Variants in GALNT17 observed in about 807,000 individuals in gnomAD.
GALNT17 encodes UDP-GalNAc:polypeptide N-acetylgalactosaminyltransferase-like 3.
A neutral mutation model predicts 63.7 loss-of-function variants in GALNT17; 29 were observed. The observed-to-expected ratio is 0.46, with a 90% CI of 0.34 to 0.62. The LOEUF is 0.62. GALNT17 is among the 20% of genes least tolerant of loss of function. The pLI is 0.01. For missense variants in GALNT17, 603 were observed against 799.6 expected, an observed-to-expected ratio of 0.75 and a Z score of 2.97; for synonymous variants, 305 against 318.3, an observed-to-expected ratio of 0.96 and a Z score of 0.45.
At chr7:71,539,867 A>G (rs1788859869) in intron 5 of GALNT17, among the ~76,000 whole-genome samples, 1 of 151,296 alleles carries the variant, frequency 6.6e-6, no homozygotes, top group African/African-American at 2.4e-5. Flanking sequence ...TGGTAGCACA[A>G]GTAGGTACTC....
At chr7:71,694,185 T>C in intron 9 of GALNT17, among the ~76,000 whole-genome samples, 1 of 151,958 alleles carries the variant, frequency 6.6e-6, no homozygotes, top group Admixed American at 6.6e-5. Flanking sequence ...ATTCACTATC[T>C]CAAGAATAGC....
At chr7:71,377,471 T>C (rs1792765265) in intron 2 of GALNT17, among the ~76,000 whole-genome samples, 1 of 152,052 alleles carries the variant, frequency 6.6e-6, no homozygotes, top group Admixed American at 6.6e-5. Flanking sequence ...GTGACCATGG[T>C]GTTGGGGGAG....
intron 1 of GALNT17, among the ~76,000 whole-genome samples, chr7:71,314,257 G>C (rs1475606785): frequency 6.6e-6 from 1 of 150,600 alleles, no homozygotes; most frequent in Non-Finnish European, 1.5e-5. Flanking sequence ...GTGTGTGTCT[G>C]TGTGTGTGTG....
In GALNT17 at chr7:71,634,975, G is replaced by C. The variant is rs1011342675; in HGVS notation, c.1081-30436G>C. Among the ~76,000 whole-genome samples the C allele has an allele frequency of 2.0e-5, 3 of 151,930 alleles. No homozygotes were observed. In the South Asian group the frequency reaches 6.2e-4, roughly 32 times the overall value. On this transcript the variant is annotated intron_variant, in intron 6 of 10. Coordinates refer to ENST00000333538, the MANE Select transcript of GALNT17 (RefSeq NM_022479.3). ...TGTAATCCCAGCACTTTGGGAGGCT[G>C]AGGCGGGTGGATCATGAGGTCAGGA...
chr7:71,596,389 G>A (rs1789887665), intron 6 of GALNT17, among the ~76,000 whole-genome samples: 1 of 152,070 alleles, frequency 6.6e-6, no homozygotes, highest in Non-Finnish European at 1.5e-5. Flanking sequence ...AGCCCAGTGG[G>A]AAAGATCCAT....
intron 5 of GALNT17, among the ~76,000 whole-genome samples, chr7:71,435,460 G>A (rs1288828510): frequency 6.6e-6 from 1 of 152,102 alleles, no homozygotes; most frequent in African/African-American, 2.4e-5. Context: ...TATGGTTTAG[G>A]AGTCATGCAG....
At chr7:71,431,580 T>A (rs147435973) in intron 5 of GALNT17, among the ~76,000 whole-genome samples, 9 of 152,248 alleles carry the variant, frequency 5.9e-5, no homozygotes, top group Non-Finnish European at 8.8e-5. Flanking sequence ...TTACCCAACG[T>A]CACACACCTG....
intron 1 of GALNT17, among the ~76,000 whole-genome samples, chr7:71,178,297 G>A (rs1258103230): frequency 5.3e-5 from 8 of 152,024 alleles, no homozygotes; most frequent in African/African-American, 1.9e-4. Flanking sequence ...TTGTTCCCCT[G>A]CATGTGATTT....
At chr7:71,306,308 G>A (rs1003983032) in intron 1 of GALNT17, among the ~76,000 whole-genome samples, 1 of 152,056 alleles carries the variant, frequency 6.6e-6, no homozygotes, top group African/African-American at 2.4e-5. Context: ...TATATCAGTA[G>A]CGTTAAGTAT....
intron 5 of GALNT17, among the ~76,000 whole-genome samples, chr7:71,442,631 C>T (rs1017685149): frequency 2.0e-5 from 3 of 152,154 alleles, no homozygotes; most frequent in Non-Finnish European, 2.9e-5. Flanking sequence ...CTACCAGGCA[C>T]GCAGAGAGTC....
intron 5 of GALNT17, among the ~76,000 whole-genome samples, chr7:71,566,016 T>TG (rs1789337924): frequency 6.7e-6 from 1 of 149,558 alleles, no homozygotes; most frequent in East Asian, 2.0e-4. Flanking sequence ...GCTAATTTTG[T>TG]GGGTTTTGTT....
intron 1 of GALNT17, among the ~76,000 whole-genome samples, chr7:71,140,872 T>C (rs535143953): frequency 6.6e-6 from 1 of 151,774 alleles, no homozygotes; most frequent in South Asian, 2.1e-4. Context: ...AAATAAAAAA[T>C]TAGCCAGACA....
intron 5 of GALNT17, among the ~76,000 whole-genome samples, chr7:71,513,208 G>A (rs74337598): frequency 1.3e-5 from 2 of 151,838 alleles, no homozygotes; most frequent in Non-Finnish European, 2.9e-5. Flanking sequence ...ATTTTCATTT[G>A]CAGCTCTTTA....
At chr7:71,177,516 A>G (rs566860943) in intron 1 of GALNT17, among the ~76,000 whole-genome samples, 2 of 152,304 alleles carry the variant, frequency 1.3e-5, no homozygotes, top group East Asian at 3.9e-4. Flanking sequence ...ATACCGAGAC[A>G]GTTTCAGAGA....
chr7:71,395,888 ATCT>A (rs1793129668), intron 3 of GALNT17, among the ~76,000 whole-genome samples: 1 of 152,168 alleles, frequency 6.6e-6, no homozygotes, highest in South Asian at 2.1e-4. Flanking sequence ...TCATTAGTCT[ATCT>A]TCTTTGGAGA....
intron 1 of GALNT17, among the ~76,000 whole-genome samples, chr7:71,193,385 C>T (rs1322929130): frequency 6.6e-6 from 1 of 151,964 alleles, no homozygotes; most frequent in Non-Finnish European, 1.5e-5. Flanking sequence ...CAGGTGTAAG[C>T]CACCACACTT....
intron 6 of GALNT17, among the ~76,000 whole-genome samples, chr7:71,597,877 C>T (rs934960923): frequency 1.3e-5 from 2 of 152,164 alleles, no homozygotes; most frequent in African/African-American, 4.8e-5. Context: ...AGTCCTCATC[C>T]TACTGATCTT....
chr7:71,220,302 C>T (rs1395948156), intron 1 of GALNT17, among the ~76,000 whole-genome samples: 1 of 152,186 alleles, frequency 6.6e-6, no homozygotes, highest in Non-Finnish European at 1.5e-5. Flanking sequence ...CTCTGTTAGA[C>T]CTTTCAAAAG....
chr7:71,464,836 A>G (rs1162508732), intron 5 of GALNT17, among the ~76,000 whole-genome samples: 1 of 151,052 alleles, frequency 6.6e-6, no homozygotes, highest in Non-Finnish European at 1.5e-5. Context: ...AGCATCCTCA[A>G]TACACATTAG....
Sources: allele counts gnomAD v4.1 joint callset (sites outside exome capture counted in the v4.1 genomes callset), GRCh38; gene constraint gnomAD v4.1.1; transcripts MANE v1.5; gene names NCBI Gene and HGNC (gene_info 2026-07-23, HGNC 2026-07-21).